The following CCDC149 variants were observed in gnomAD, a reference collection of about 807,000 sequenced individuals.
CCDC149 encodes coiled-coil domain containing 149, also known as coiled-coil domain-containing protein 149.
A neutral mutation model predicts 59.9 loss-of-function variants in CCDC149; 45 were observed. That is an observed-to-expected ratio of 0.75 (90% CI 0.59 to 0.96). CCDC149 has a LOEUF of 0.96. CCDC149 is among the 40% of genes least tolerant of loss of function. CCDC149 has a pLI of 0.00. For synonymous variants in CCDC149, 245 were observed against 260.6 expected (o/e 0.94, Z 0.58); for missense variants, 584 against 664.7 (o/e 0.88, Z 1.33).
chr4:24,924,041 A>G (rs1270029237), intron 1 of CCDC149, among the ~76,000 whole-genome samples: 1 of 152,224 alleles, frequency 6.6e-6, no homozygotes, highest in Non-Finnish European at 1.5e-5. Context: ...TATCCTTCTA[A>G]GCAAGTGACA....
intron 1 of CCDC149, among the ~76,000 whole-genome samples, chr4:24,922,808 T>C (rs188371636): frequency 2.6e-5 from 4 of 152,334 alleles, no homozygotes; most frequent in African/African-American, 9.6e-5. Context: ...CTGGTTTTCT[T>C]GCGTACCCCT....
intron 9 of CCDC149, among the ~76,000 whole-genome samples, chr4:24,825,093 C>T (rs1197302892): frequency 6.6e-6 from 1 of 152,080 alleles, no homozygotes; most frequent in African/African-American, 2.4e-5. Flanking sequence ...GAGCCGAGTC[C>T]GTTAAATTTA....
intron 2 of CCDC149, 93 bp from the exon 3 acceptor site, chr4:24,873,812 A>T (rs1339959011): frequency 1.1e-6 from 1 of 921,872 alleles, no homozygotes; most frequent in Non-Finnish European, 1.7e-6. Context: ...CTAAATGTAG[A>T]CTCTCCCCAC....
At chr4:24,857,814 C>T (rs957808323) in intron 3 of CCDC149, among the ~76,000 whole-genome samples, 18 of 152,116 alleles carry the variant, frequency 1.2e-4, no homozygotes, top group Non-Finnish European at 2.4e-4. Flanking sequence ...TAAACTTGGC[C>T]CCTGGAGTAC....
chr4:24,944,518 G>A lies in CCDC149; in HGVS notation c.-65+35551C>T, dbSNP rs533235164. Among the ~76,000 whole-genome samples the A allele has an allele frequency of 3.3e-5, 5 of 150,086 alleles. No individual in the cohort carries two copies. In the East Asian group the frequency reaches 9.8e-4, roughly 30 times the overall value. The stretch of plus-strand genomic sequence containing the variant: ...TACATATGTAACAAACCTGCACGTT[G>A]TGCACATGTATCCTAAAACTTAAAG... On this transcript the variant is annotated intron_variant, in intron 1 of 12. Transcript: ENST00000389609.
chr4:24,808,324 C>A lies in CCDC149; in HGVS notation c.*65G>T. 7.3e-7 allele frequency: 1 copy of A among 1,377,760 alleles called. No homozygotes were observed. Among genetic ancestry groups the A allele is most frequent in the Non-Finnish European group, 9.5e-7 (1 of 1,051,412 alleles). The allele number at this position is 1,377,760 out of a possible 1,614,324, so 85.3% of individuals were successfully genotyped here. A position where few individuals can be genotyped will look rare whatever the true frequency, so the allele number is the denominator to read the frequency against. Reference sequence around the variant, plus strand: ...AGAAGGCGACGTGAGCGCACCATTCCGATGCTTCATTCTTGACCCTCTCTG... The same window carrying A: ...AGAAGGCGACGTGAGCGCACCATTCAGATGCTTCATTCTTGACCCTCTCTG... On this transcript the variant is annotated 3_prime_UTR_variant, in exon 13 of 13. Coordinates refer to ENST00000635206, the MANE Select transcript of CCDC149 (RefSeq NM_001330643.2).
In CCDC149 at chr4:24,822,576, GA is replaced by G; in HGVS notation, c.966-4del. 7 of 1,526,906 alleles carry G rather than the reference GA, an allele frequency of 4.6e-6. No individual in the cohort carries two copies. The highest frequency in any genetic ancestry group is 2.5e-5 in the South Asian group (2 of 79,610). 94.6% of individuals were successfully genotyped at this position (1,526,906 alleles called of 1,614,324 possible). The stretch of plus-strand genomic sequence containing the variant: ...CAGCCACCCGATTCCCTAGGATTCT[GA>G]AAAAAGGGGAGAAAATGACAATCAA... On this transcript the variant is annotated splice_region_variant and splice_polypyrimidine_tract_variant and intron_variant, in intron 9 of 12. Transcript: ENST00000635206.
At chr4:24,938,226 G>C (rs1190366536) in intron 1 of CCDC149, among the ~76,000 whole-genome samples, 6 of 152,162 alleles carry the variant, frequency 3.9e-5, no homozygotes, top group Non-Finnish European at 7.3e-5. Context: ...AGAGAGCCCT[G>C]ATCAGGAGGA....
chr4:24,826,134 G>A (rs1321262062), intron 9 of CCDC149, among the ~76,000 whole-genome samples: 2 of 149,862 alleles, frequency 1.3e-5, no homozygotes, highest in African/African-American at 2.5e-5. Context: ...TTTTTTTTTT[G>A]TATTTTAGTA....
chr4:24,903,591 T>A (rs998295511), intron 1 of CCDC149, among the ~76,000 whole-genome samples: 2 of 152,190 alleles, frequency 1.3e-5, no homozygotes, highest in Non-Finnish European at 2.9e-5. Flanking sequence ...TACTGAGGTA[T>A]AATTTGGAGA....
At chr4:24,902,161 T>C (rs1721208181) in intron 1 of CCDC149, among the ~76,000 whole-genome samples, 1 of 152,184 alleles carries the variant, frequency 6.6e-6, no homozygotes, top group Non-Finnish European at 1.5e-5. Flanking sequence ...TAATTGAGAA[T>C]GTTGATGGTG....
intron 12 of CCDC149, among the ~76,000 whole-genome samples, chr4:24,815,323 C>G (rs1426037190): frequency 6.6e-6 from 1 of 152,120 alleles, no homozygotes; most frequent in Non-Finnish European, 1.5e-5. Context: ...TCTAAGGTAG[C>G]TCAGGGAAGC....
chr4:24,813,517 T>TAC (rs1714797548), intron 12 of CCDC149, among the ~76,000 whole-genome samples: 3 of 88,154 alleles, frequency 3.4e-5, no homozygotes, highest in African/African-American at 1.5e-4. Context: ...TATATATATA[T>TAC]ATATATATAT....
At chr4:24,870,516 C>T (rs59543123) in intron 3 of CCDC149, among the ~76,000 whole-genome samples, 4,609 of 152,312 alleles carry the variant, frequency 0.03, 231 homozygotes, top group African/African-American at 0.1. Flanking sequence ...TCCACCACTA[C>T]ACTCAGTCCT....
chr4:24,829,629 C>G (rs1342874833), intron 9 of CCDC149: 1 of 151,990 alleles, frequency 6.6e-6, no homozygotes, highest in African/African-American at 2.4e-5. Context: ...GAAAGAATAC[C>G]GTGGGAAATG....
rs2109076350 is a variant in CCDC149 at position 24,806,163 on chromosome 4, T to C, written c.*2226A>G. ...ATGTCTGTGGAACAGAAGAACCATG[T>C]TGGATGGGGAAAGCAGGGGCAGGAC... On this transcript the variant is annotated 3_prime_UTR_variant, in exon 13 of 13. Coordinates refer to ENST00000635206, the MANE Select transcript of CCDC149 (RefSeq NM_001330643.2). 6.6e-6 allele frequency: 1 copy of C among 152,300 alleles called. No homozygotes were observed. The highest frequency in any genetic ancestry group is 1.9e-4 in the East Asian group (1 of 5,176). 9.4% of individuals were successfully genotyped at this position (152,300 alleles called of 1,614,324 possible). A position where few individuals can be genotyped will look rare whatever the true frequency, so the allele number is the denominator to read the frequency against.
upstream of CCDC149, among the ~76,000 whole-genome samples, chr4:24,913,703 G>T (rs1484647151): frequency 1.3e-5 from 2 of 152,192 alleles, no homozygotes; most frequent in Admixed American, 1.3e-4. Flanking sequence ...CAGCACCTTG[G>T]GAGGCTGAGG....
chr4:24,804,218 C>A (rs1046263834), downstream of CCDC149, among the ~76,000 whole-genome samples: 2 of 152,056 alleles, frequency 1.3e-5, no homozygotes, highest in African/African-American at 4.8e-5. Flanking sequence ...ACAGGCCGGG[C>A]GCAGTGGCTC....
chr4:24,974,333 G>A (rs1012404231), intron 1 of CCDC149, among the ~76,000 whole-genome samples: 1 of 152,178 alleles, frequency 6.6e-6, no homozygotes, highest in Non-Finnish European at 1.5e-5. Context: ...TGAAATCCCT[G>A]AATTCTGCAG....
Sources: gnomAD v4.1 joint callset for allele counts (sites outside exome capture counted in the v4.1 genomes callset) on GRCh38, gnomAD v4.1.1 for gene constraint, MANE v1.5 for transcripts, NCBI Gene and HGNC (gene_info 2026-07-23, HGNC 2026-07-21) for gene names.